Variants in STX3 observed in about 807,000 individuals in gnomAD.
STX3 encodes syntaxin 3.
A neutral mutation model predicts 40.2 loss-of-function variants in STX3; 19 were observed. That is an observed-to-expected ratio of 0.47 (90% CI 0.33 to 0.69). The LOEUF is 0.69. Ranked by LOEUF, STX3 falls within the 30% of genes least tolerant of loss-of-function variation. STX3 has a pLI of 0.02. For synonymous variants in STX3, 122 were observed against 132.2 expected, an observed-to-expected ratio of 0.92 and a Z score of 0.53; for missense variants, 364 against 366.7, an observed-to-expected ratio of 0.99 and a Z score of 0.06.
chr11:59,770,724 AG>A (rs1565167736), intron 1 of STX3, among the ~76,000 whole-genome samples: 1 of 152,194 alleles, frequency 6.6e-6, no homozygotes, highest in Non-Finnish European at 1.5e-5. Context: ...GCCTGGTTAC[AG>A]GGTGAGCGCT....
intron 10 of STX3, 76 bp from the exon 11 acceptor site, chr11:59,800,779 T>C: frequency 6.5e-7 from 1 of 1,534,012 alleles, no homozygotes; most frequent in Non-Finnish European, 8.7e-7. Flanking sequence ...ACCTTCCAGG[T>C]TTGTGGCTGA....
At chr11:59,793,593 A>G (rs1409871284) in intron 8 of STX3, 79 bp downstream of exon 8, 1 of 1,521,888 alleles carries the variant, frequency 6.6e-7, no homozygotes, top group East Asian at 2.3e-5. Flanking sequence ...GAAAGGGAAT[A>G]CTGGAAGCCA....
At chr11:59,758,328 C>T (rs1488006426) in intron 1 of STX3, among the ~76,000 whole-genome samples, 4 of 152,086 alleles carry the variant, frequency 2.6e-5, no homozygotes, top group African/African-American at 9.7e-5. Flanking sequence ...AGATATAAGG[C>T]CTTCACCAAC....
intron 1 of STX3, among the ~76,000 whole-genome samples, chr11:59,769,503 T>C (rs887074768): frequency 6.6e-6 from 1 of 152,192 alleles, no homozygotes; most frequent in Admixed American, 6.5e-5. Context: ...GACTGAGGCA[T>C]CCCAGCCAGT....
chr11:59,769,568 C>G (rs1863456401), intron 1 of STX3, among the ~76,000 whole-genome samples: 1 of 152,168 alleles, frequency 6.6e-6, no homozygotes, highest in Non-Finnish European at 1.5e-5. Flanking sequence ...TTCACAGATT[C>G]TCACTGAAGG....
intron 2 of STX3, among the ~76,000 whole-genome samples, chr11:59,784,689 A>C (rs1864638797): frequency 1.3e-5 from 2 of 152,314 alleles, no homozygotes; most frequent in Non-Finnish European, 2.9e-5. Flanking sequence ...CTGTTTTTAA[A>C]ACCATCAGAT....
At chr11:59,798,541 TTG>T (rs1430916701) in intron 10 of STX3, among the ~76,000 whole-genome samples, 3 of 145,850 alleles carry the variant, frequency 2.1e-5, no homozygotes, top group African/African-American at 7.7e-5. Context: ...TGTTTTTTGT[TTG>T]TTTCTCATTC....
In STX3 at chr11:59,790,555, C is replaced by T; in HGVS notation, c.326C>T (p.Ser109Leu). 6.2e-7 allele frequency: 1 copy of T among 1,614,116 alleles called. No homozygotes were observed. The highest frequency in any genetic ancestry group is 8.5e-7 in the Non-Finnish European group (1 of 1,179,968). The change falls in exon 5 of 11, where the codon TCA becomes TTA. Residue 109 changes from serine (S) to leucine (L), a missense_variant. By Grantham distance (145) the Ser-to-Leu change is moderately radical. Transcript: ENST00000337979. ...CATATTGAAGAAGATGAGGTCAGGT[C>T]ATCGGCAGACCTTCGGATTCGGAAA... ...EKHIEEDEVR[S>L]SADLRIRKSQ... is the part of the protein sequence containing the mutation.
intron 4 of STX3, chr11:59,789,259 T>G: frequency 4.0e-6 from 1 of 249,232 alleles, no homozygotes; most frequent in East Asian, 1.3e-4. Flanking sequence ...CTCTCTTTTT[T>G]TTTTTTTGAG....
chr11:59,798,231 G>A (rs1297573009), intron 10 of STX3, among the ~76,000 whole-genome samples: 6 of 148,578 alleles, frequency 4.0e-5, no homozygotes, highest in Non-Finnish European at 7.4e-5. Context: ...TTTTTGAGAC[G>A]GAGTCTTGCT....
chr11:59,804,318 G>GA lies in STX3; in HGVS notation c.*3496dup, dbSNP rs1044610523. 6.6e-6 allele frequency: 1 copy of GA among 152,204 alleles called. No homozygotes were observed. The highest frequency in any genetic ancestry group is 2.4e-5 in the African/African-American group (1 of 41,432). The allele number at this position is 152,204 out of a possible 1,614,324, so 9.4% of individuals were successfully genotyped here. On this transcript the variant is annotated 3_prime_UTR_variant, in exon 11 of 11. Transcript: ENST00000337979. ...AGGCTCCAGTAGTAGTCTTAAAAGT[G>GA]AAGTTTATCTAAGGATAAGCACATG...
At chr11:59,772,780 C>G (rs1447800789) in intron 1 of STX3, among the ~76,000 whole-genome samples, 1 of 152,072 alleles carries the variant, frequency 6.6e-6, no homozygotes, top group East Asian at 1.9e-4. Flanking sequence ...GCAACAAAAC[C>G]TAGCATGTGT....
chr11:59,800,397 G>A (rs1247933371), intron 10 of STX3: 7 of 985,182 alleles, frequency 7.1e-6, no homozygotes, highest in South Asian at 4.7e-5. Flanking sequence ...AGCTCATAAG[G>A]TGGAGCAGCC....
intron 1 of STX3, 67 bp from the exon 2 acceptor site, chr11:59,773,144 G>A (rs1863753926): frequency 1.4e-6 from 2 of 1,467,182 alleles, no homozygotes; most frequent in Non-Finnish European, 9.5e-7. Context: ...AGTACTTCGT[G>A]AGCATTCAAT....
rs772548143 is a variant in STX3, at chr11:59,793,445, G to A, written c.606G>A (p.Val202=). The A allele has an allele frequency of 1.2e-6, 2 of 1,614,202 alleles. No individual in the cohort carries two copies. Among genetic ancestry groups the A allele is most frequent in the Non-Finnish European group, 1.7e-6 (2 of 1,180,034 alleles). ...SEIEGRHKDI[V]RLESSIKELH... is the part of the protein sequence containing the mutation. ...TTGAGGGACGACACAAGGACATTGT[G>A]AGGCTGGAGAGCAGCATCAAGGAGC... is the stretch of plus-strand genomic sequence containing the variant. The change falls in exon 8 of 11, where the codon GTG becomes GTA. Residue 202 remains valine, a synonymous_variant. Coordinates refer to ENST00000337979, the MANE Select transcript of STX3 (RefSeq NM_004177.5).
intron 2 of STX3, among the ~76,000 whole-genome samples, chr11:59,780,765 G>T (rs1230179456): frequency 6.6e-6 from 1 of 152,072 alleles, no homozygotes; most frequent in African/African-American, 2.4e-5. Flanking sequence ...ACTTCTGTTT[G>T]GCTTCTTGAC....
Position 59,800,782 on chromosome 11 carries a change from G to A in STX3, c.*31-73G>A, listed in dbSNP as rs922963948. The A allele has an allele frequency of 2.6e-6, 4 of 1,533,624 alleles. No individual in the cohort carries two copies. The African/African-American group carries it at 5.5e-5, about 21-fold the overall frequency. ...TCTTTCCTCCCCACCTTCCAGGTTTGTGGCTGACTCCTTCTGTTGCCCTTT... is the reference window on the plus strand; with the variant it reads ...TCTTTCCTCCCCACCTTCCAGGTTTATGGCTGACTCCTTCTGTTGCCCTTT... On this transcript the variant is annotated intron_variant, in intron 10 of 10. Coordinates refer to ENST00000337979, the MANE Select transcript of STX3 (RefSeq NM_004177.5).
At chr11:59,773,743 G>A (rs1863789451) in intron 2 of STX3, among the ~76,000 whole-genome samples, 1 of 152,158 alleles carries the variant, frequency 6.6e-6, no homozygotes, top group Non-Finnish European at 1.5e-5. Context: ...ACTTTGGGAG[G>A]CCAAGGCAGG....
intron 1 of STX3, among the ~76,000 whole-genome samples, chr11:59,767,383 A>C (rs1863333627): frequency 6.6e-6 from 1 of 152,110 alleles, no homozygotes; most frequent in Non-Finnish European, 1.5e-5. Context: ...CTATTACCAG[A>C]TATGTTGATT....
Sources: allele counts gnomAD v4.1 joint callset (sites outside exome capture counted in the v4.1 genomes callset), GRCh38; gene constraint gnomAD v4.1.1; transcripts MANE v1.5; gene names NCBI Gene and HGNC (gene_info 2026-07-23, HGNC 2026-07-21).